Variants in VEPH1 observed in about 807,000 individuals in gnomAD.
VEPH1 encodes the protein ventricular zone-expressed PH domain-containing protein homolog 1.
In VEPH1, 80 loss-of-function variants were observed where a neutral mutation model predicts 85.2. The ratio of observed to expected loss-of-function variants is 0.94; its 90% confidence interval spans 0.78 to 1.13. The LOEUF (loss-of-function observed/expected upper bound fraction) is 1.13. Ranked by LOEUF, VEPH1 falls within the 50% of genes most tolerant of loss-of-function variation. The pLI is 0.00. For synonymous variants in VEPH1, 297 were observed against 348.0 expected (o/e 0.85, Z 1.63); for missense variants, 955 against 980.5 (o/e 0.97, Z 0.35).
At chr3:157,272,137 T>G (rs941941644) in intron 12 of VEPH1, among the ~76,000 whole-genome samples, 1 of 150,854 alleles carries the variant, frequency 6.6e-6, no homozygotes, top group Non-Finnish European at 1.5e-5. Flanking sequence ...CCATGGAAAC[T>G]CTTGCAAAAT....
At chr3:157,411,913 C>T (rs534084100) in intron 6 of VEPH1, among the ~76,000 whole-genome samples, 31 of 152,274 alleles carry the variant, frequency 2.0e-4, no homozygotes, top group South Asian at 1.0e-3. Context: ...CCACCCAAAT[C>T]TCATGTTGAT....
At chr3:157,458,453 C>T (rs1374227636) in intron 4 of VEPH1, among the ~76,000 whole-genome samples, 2 of 152,128 alleles carry the variant, frequency 1.3e-5, no homozygotes, top group East Asian at 1.9e-4. Flanking sequence ...TTTTGATTTG[C>T]ACTTTTTAAT....
Position 157,428,367 on chromosome 3 carries a change from A to G in VEPH1, c.651T>C (p.His217=), listed in dbSNP as rs777340057. The change falls in exon 5 of 14, where the codon CAT becomes CAC. Residue 217 remains histidine, a synonymous_variant. Transcript: ENST00000362010. ...MSQLEQPEQY[H]LLRLLHVAAK... is the part of the protein sequence containing the mutation. ...CTGCTACATGCAAAAGCCGTAGTAG[A>G]TGGTACTGTTCTGGCTGTTCCAGCT... 6.2e-6 allele frequency: 10 copies of G among 1,614,140 alleles called. No homozygotes were observed. The highest frequency in any genetic ancestry group is 8.5e-6 in the Non-Finnish European group (10 of 1,180,006).
Position 157,304,038 on chromosome 3 carries a change from T to TATATATATATACACACACACACACAC in VEPH1, c.2010+9582_2010+9583insGTGTGTGTGTGTGTGTATATATATAT. Among the ~76,000 whole-genome samples, 26 of 96,914 alleles carry TATATATATATACACACACACACACAC rather than the reference T, an allele frequency of 2.7e-4. 1 individual carries two copies. Among genetic ancestry groups the TATATATATATACACACACACACACAC allele is most frequent in the Non-Finnish European group, 5.0e-4 (21 of 42,072 alleles). The allele number at this position is 96,914 out of a possible 152,430, so 63.6% of individuals were successfully genotyped here. ...CTTATATTTTTTATATATATATATA[T>TATATATATATACACACACACACACAC]ACACACATACTGTTACATCTTATAT... On this transcript the variant is annotated intron_variant, in intron 11 of 13. Transcript: ENST00000362010.
chr3:157,263,815 C>T (rs1713244421), intron 13 of VEPH1, among the ~76,000 whole-genome samples: 1 of 152,126 alleles, frequency 6.6e-6, no homozygotes, highest in Non-Finnish European at 1.5e-5. Context: ...TTAAAATGTT[C>T]AAATACATTT....
intron 12 of VEPH1, among the ~76,000 whole-genome samples, chr3:157,283,759 T>C (rs995418694): frequency 6.6e-6 from 1 of 152,256 alleles, no homozygotes; most frequent in African/African-American, 2.4e-5. Flanking sequence ...TCCTCATTTA[T>C]GGAGATGCTG....
At chr3:157,494,353 C>T (rs1438730518) in intron 2 of VEPH1, among the ~76,000 whole-genome samples, 1 of 152,210 alleles carries the variant, frequency 6.6e-6, no homozygotes, top group African/African-American at 2.4e-5. Context: ...TGTTGGCTAA[C>T]ACTGCTGAGC....
In VEPH1 at chr3:157,349,188, A is replaced by G. The variant is rs961268425; in HGVS notation, c.1735+14176T>C. On this transcript the variant is annotated intron_variant, in intron 9 of 13. Transcript: ENST00000362010. The stretch of plus-strand genomic sequence containing the variant: ...CACCTCAAAATGATAATACACCATG[A>G]TTAAGTGATATTTATTGCAGGAATG... Among the ~76,000 whole-genome samples, 6 of 152,258 alleles carry G rather than the reference A, an allele frequency of 3.9e-5. No homozygotes were observed. The East Asian group carries it at 1.2e-3, about 29-fold the overall frequency.
intron 11 of VEPH1, among the ~76,000 whole-genome samples, chr3:157,300,039 T>C (rs1175409116): frequency 1.3e-5 from 2 of 152,212 alleles, no homozygotes; most frequent in Non-Finnish European, 2.9e-5. Flanking sequence ...AAAGCGCTGG[T>C]AAGTAGGTGG....
chr3:157,381,214 TGAA>T lies in VEPH1; in HGVS notation c.1066_1068del (p.Phe356del). On this transcript the variant is annotated inframe_deletion, in exon 7 of 14. Coordinates refer to ENST00000362010, the MANE Select transcript of VEPH1 (RefSeq NM_001167912.2). ...CGGGTAAGGAGTTTAGCAATGGCGG[TGAA>T]GCTGTTGCTCATGCGGAAGATGTCT... 6.2e-7 allele frequency: 1 copy of T among 1,614,016 alleles called. No homozygotes were observed. The highest frequency in any genetic ancestry group is 8.5e-7 in the Non-Finnish European group (1 of 1,179,972).
intron 2 of VEPH1, among the ~76,000 whole-genome samples, chr3:157,479,416 C>A (rs1737801765): frequency 6.6e-6 from 1 of 152,164 alleles, no homozygotes; most frequent in African/African-American, 2.4e-5. Context: ...ATGGTTCACT[C>A]TCACTCAACA....
At chr3:157,412,546 G>A (rs1460482558) in intron 6 of VEPH1, among the ~76,000 whole-genome samples, 1 of 152,180 alleles carries the variant, frequency 6.6e-6, no homozygotes, top group African/African-American at 2.4e-5. Context: ...TTAAACAGCT[G>A]TCAGGCAAAG....
At chr3:157,350,919 C>A (rs371981117) in intron 9 of VEPH1, among the ~76,000 whole-genome samples, 1 of 152,070 alleles carries the variant, frequency 6.6e-6, no homozygotes, top group Admixed American at 6.6e-5. Flanking sequence ...ACATGCTGTT[C>A]GGAATACAAA....
In VEPH1 at chr3:157,454,806, T is replaced by C. The variant is rs139301572; in HGVS notation, c.529+5375A>G. Among the ~76,000 whole-genome samples the C allele has an allele frequency of 8.3e-4, 126 of 152,242 alleles. 1 individual carries two copies. The East Asian group carries it at 0.024, about 29-fold the overall frequency. ...AGTGTCTATCATTCCCATCTTTATG[T>C]CCACATGTACCCAATGATTAGTTCC... is the stretch of plus-strand genomic sequence containing the variant. On this transcript the variant is annotated intron_variant, in intron 4 of 13. Coordinates refer to ENST00000362010, the MANE Select transcript of VEPH1 (RefSeq NM_001167912.2).
At chr3:157,325,372 T>C (rs897475272) in intron 9 of VEPH1, among the ~76,000 whole-genome samples, 1 of 152,244 alleles carries the variant, frequency 6.6e-6, no homozygotes, top group Non-Finnish European at 1.5e-5. Flanking sequence ...TTTTTGCTTT[T>C]GTTGCAATTG....
intron 4 of VEPH1, among the ~76,000 whole-genome samples, chr3:157,436,127 A>T (rs1487101425): frequency 6.6e-6 from 1 of 152,126 alleles, no homozygotes; most frequent in East Asian, 1.9e-4. Flanking sequence ...AAATACAAAA[A>T]TTAACTGGGT....
At chr3:157,287,526 A>G (rs1389544525) in intron 11 of VEPH1, among the ~76,000 whole-genome samples, 1 of 151,992 alleles carries the variant, frequency 6.6e-6, no homozygotes, top group African/African-American at 2.4e-5. Flanking sequence ...TTTGCATTCT[A>G]TTACATAATA....
intron 9 of VEPH1, among the ~76,000 whole-genome samples, chr3:157,353,283 A>C (rs997074818): frequency 6.7e-6 from 1 of 150,154 alleles, no homozygotes; most frequent in Non-Finnish European, 1.5e-5. Flanking sequence ...TTTTCTTTTT[A>C]TTTTTTTGAG....
At chr3:157,372,183 G>GA (rs970889698) in intron 7 of VEPH1, among the ~76,000 whole-genome samples, 17 of 152,154 alleles carry the variant, frequency 1.1e-4, no homozygotes, top group African/African-American at 4.1e-4. Context: ...GGAAGAGCAG[G>GA]AAAAATGGTT....
Sources: allele counts gnomAD v4.1 joint callset (sites outside exome capture counted in the v4.1 genomes callset), GRCh38; gene constraint gnomAD v4.1.1; transcripts MANE v1.5; gene names NCBI Gene and HGNC (gene_info 2026-07-23, HGNC 2026-07-21).